Variants in PIP5K1B observed in about 807,000 individuals in gnomAD.
PIP5K1B encodes the protein phosphatidylinositol-4-phosphate 5-kinase type 1 beta.
A neutral mutation model predicts 67.0 loss-of-function variants in PIP5K1B; 42 were observed. That is an observed-to-expected ratio of 0.63 (90% CI 0.49 to 0.81). The LOEUF (loss-of-function observed/expected upper bound fraction) is 0.81. PIP5K1B is among the 30% of genes least tolerant of loss of function. The probability of loss-of-function intolerance (pLI) is 0.00; values close to 1 mark genes in which losing one functional copy is unlikely to be tolerated. For missense variants in PIP5K1B, 459 were observed against 646.3 expected (o/e 0.71, Z 3.14); for synonymous variants, 214 against 231.4 (o/e 0.92, Z 0.68).
intron 1 of PIP5K1B, among the ~76,000 whole-genome samples, chr9:68,740,210 C>T (rs1828937708): frequency 1.3e-5 from 2 of 152,208 alleles, no homozygotes; most frequent in Admixed American, 6.5e-5. Context: ...AATGGAAGAT[C>T]TTGGGACGGA....
intron 14 of PIP5K1B, among the ~76,000 whole-genome samples, chr9:68,984,569 C>T (rs984705196): frequency 2.0e-5 from 3 of 152,084 alleles, no homozygotes; most frequent in African/African-American, 7.2e-5. Context: ...TGTATATTCT[C>T]CCAAATTCTT....
At chr9:68,884,665 T>TAAAAAAAAA (rs71353087) in intron 6 of PIP5K1B, among the ~76,000 whole-genome samples, 3 of 133,428 alleles carry the variant, frequency 2.2e-5, no homozygotes, top group Middle Eastern at 3.9e-3. Context: ...ACCTTGTCTT[T>TAAAAAAAAA]AAAAAAAAAA....
chr9:68,823,113 G>A (rs1833811273), intron 4 of PIP5K1B, among the ~76,000 whole-genome samples: 1 of 152,134 alleles, frequency 6.6e-6, no homozygotes, highest in Admixed American at 6.5e-5. Context: ...AGCCCTCCTA[G>A]GCTCACAGAA....
At chr9:68,881,953 G>A (rs897563115) in intron 6 of PIP5K1B, among the ~76,000 whole-genome samples, 10 of 152,124 alleles carry the variant, frequency 6.6e-5, no homozygotes, top group African/African-American at 1.9e-4. Flanking sequence ...TCATACTATC[G>A]GGGGAAGAAA....
intron 4 of PIP5K1B, among the ~76,000 whole-genome samples, chr9:68,840,377 CAAA>C (rs962426623): frequency 1.8e-5 from 2 of 108,618 alleles, no homozygotes; most frequent in Admixed American, 9.7e-5. Flanking sequence ...AACTCCATCT[CAAA>C]AAAAAAAAAA....
intron 14 of PIP5K1B, among the ~76,000 whole-genome samples, chr9:68,952,118 G>A (rs922737209): frequency 3.3e-5 from 5 of 152,098 alleles, no homozygotes; most frequent in Admixed American, 6.5e-5. Flanking sequence ...TTTGTGAATA[G>A]TGTCATATAC....
intron 2 of PIP5K1B, among the ~76,000 whole-genome samples, chr9:68,814,246 G>T (rs978951525): frequency 3.3e-5 from 5 of 152,270 alleles, no homozygotes; most frequent in Admixed American, 2.6e-4. Context: ...AATGGGCAGC[G>T]AAAATAGTGT....
At chr9:68,907,717 C>G (rs922826418) in intron 8 of PIP5K1B, among the ~76,000 whole-genome samples, 9 of 152,128 alleles carry the variant, frequency 5.9e-5, no homozygotes, top group Non-Finnish European at 1.0e-4. Context: ...TCTGCCTTAC[C>G]TTCCTGCCGA....
intron 6 of PIP5K1B, among the ~76,000 whole-genome samples, chr9:68,884,934 A>G (rs1017992775): frequency 1.3e-5 from 2 of 152,216 alleles, no homozygotes; most frequent in African/African-American, 4.8e-5. Context: ...GAGCTACCAT[A>G]TGATCCAACA....
intron 4 of PIP5K1B, among the ~76,000 whole-genome samples, chr9:68,851,385 C>A (rs1822474310): frequency 6.6e-6 from 1 of 152,188 alleles, no homozygotes; most frequent in Non-Finnish European, 1.5e-5. Context: ...GGCAAATTCA[C>A]CACATGGAGT....
chr9:68,788,885 A>T (rs1831792741), intron 2 of PIP5K1B: 4 of 263,764 alleles, frequency 1.5e-5, no homozygotes, highest in Non-Finnish European at 2.2e-5. Flanking sequence ...TGACAGGATA[A>T]GAGAGCAGGC....
At chr9:68,923,437 T>C (rs1208427683) in intron 12 of PIP5K1B, 51 bp downstream of exon 12, 6 of 901,744 alleles carry the variant, frequency 6.7e-6, no homozygotes, top group African/African-American at 1.7e-5. Context: ...AATTTCATTA[T>C]GTATCTTTGC....
intron 8 of PIP5K1B, among the ~76,000 whole-genome samples, chr9:68,895,142 A>T (rs561531810): frequency 9.6e-4 from 146 of 151,994 alleles, no homozygotes; most frequent in African/African-American, 3.1e-3. Context: ...AAATTATTTT[A>T]TGTGGTCTGA....
chr9:68,739,438 T>C (rs1828896088), intron 1 of PIP5K1B, among the ~76,000 whole-genome samples: 1 of 152,358 alleles, frequency 6.6e-6, no homozygotes, highest in East Asian at 1.9e-4. Context: ...TTGATCCATT[T>C]TGGGTACCTT....
chr9:68,759,418 T>C (rs190227050), intron 2 of PIP5K1B, among the ~76,000 whole-genome samples: 3 of 152,104 alleles, frequency 2.0e-5, no homozygotes, highest in Admixed American at 1.3e-4. Context: ...TGTATTGTGA[T>C]CTCTAGGGCA....
At chr9:68,953,596 G>A (rs1311968101) in intron 14 of PIP5K1B, among the ~76,000 whole-genome samples, 1 of 151,892 alleles carries the variant, frequency 6.6e-6, no homozygotes, top group African/African-American at 2.4e-5. Flanking sequence ...TAGGAGGACT[G>A]TTGGAGCCCA....
intron 4 of PIP5K1B, among the ~76,000 whole-genome samples, chr9:68,842,084 T>C (rs891751530): frequency 1.3e-5 from 2 of 152,238 alleles, no homozygotes; most frequent in Non-Finnish European, 2.9e-5. Flanking sequence ...CATCAAACCA[T>C]GTGCCCCAAA....
chr9:68,909,757 G>T (rs1825772844), intron 8 of PIP5K1B, among the ~76,000 whole-genome samples: 1 of 152,162 alleles, frequency 6.6e-6, no homozygotes, highest in Non-Finnish European at 1.5e-5. Context: ...CATATTTGAT[G>T]TCTCCCCTCA....
chr9:68,965,268 A>G (rs1828962383), intron 14 of PIP5K1B, among the ~76,000 whole-genome samples: 1 of 152,174 alleles, frequency 6.6e-6, no homozygotes, highest in Non-Finnish European at 1.5e-5. Context: ...CTATGACTCA[A>G]TTAGTTCTGT....
Sources: gnomAD v4.1 joint callset for allele counts (sites outside exome capture counted in the v4.1 genomes callset) on GRCh38, gnomAD v4.1.1 for gene constraint, MANE v1.5 for transcripts, NCBI Gene and HGNC (gene_info 2026-07-23, HGNC 2026-07-21) for gene names.